Variants in SLC25A13 observed in about 807,000 individuals in gnomAD.
SLC25A13 encodes the protein solute carrier family 25 member 13, also known as electrogenic aspartate/glutamate antiporter SLC25A13, mitochondrial.
A neutral mutation model predicts 85.5 loss-of-function variants in SLC25A13; 70 were observed. That is an observed-to-expected ratio of 0.82 (90% CI 0.68 to 1.00). SLC25A13 has a LOEUF of 1.00. Among genes scored for constraint, SLC25A13 ranks in the 50% least tolerant of loss-of-function variants. SLC25A13 has a pLI of 0.00. For missense variants in SLC25A13, 765 were observed against 819.8 expected (o/e 0.93, Z 0.82); for synonymous variants, 259 against 288.7 (o/e 0.90, Z 1.04).
chr7:96,272,869 A>T (rs1798299146), intron 3 of SLC25A13, among the ~76,000 whole-genome samples: 1 of 152,234 alleles, frequency 6.6e-6, no homozygotes, highest in Non-Finnish European at 1.5e-5. Flanking sequence ...CCTTTTAAAC[A>T]TCAATAGAAT....
chr7:96,156,570 G>A (rs2116520625), intron 13 of SLC25A13, among the ~76,000 whole-genome samples: 1 of 152,244 alleles, frequency 6.6e-6, no homozygotes, highest in Non-Finnish European at 1.5e-5. Context: ...TCCTGCCTCA[G>A]CCTCCCAAGT....
chr7:96,126,913 C>T (rs151142928), intron 15 of SLC25A13, among the ~76,000 whole-genome samples: 47 of 151,922 alleles, frequency 3.1e-4, no homozygotes, highest in African/African-American at 9.4e-4. Flanking sequence ...TTTATGTCCA[C>T]ATAATTAACA....
Position 96,121,320 on chromosome 7 carries a change from A to T in SLC25A13, c.1899T>A (p.Asn633Lys). Residue 633 changes from asparagine to lysine, a missense_variant, in exon 18 of 18, where the codon AAT becomes AAA. Transcript: ENST00000265631. ...GTTTGTAGCCCCCAACGTGATCAGGATTCGGGGCAGGCAGGTTGATCCTGG... is the reference window on the plus strand; with the variant it reads ...GTTTGTAGCCCCCAACGTGATCAGGTTTCGGGGCAGGCAGGTTGATCCTGG... Reference protein sequence around the residue: ...PKSRINLPAPNPDHVGGYKLA... With the variant: ...PKSRINLPAPKPDHVGGYKLA... 1 of 1,614,154 alleles carries T rather than the reference A, an allele frequency of 6.2e-7. No individual in the cohort carries two copies. Among genetic ancestry groups the T allele is most frequent in the South Asian group, 1.1e-5 (1 of 91,078 alleles).
intron 12 of SLC25A13, among the ~76,000 whole-genome samples, chr7:96,171,147 C>G (rs769134910): frequency 1.3e-5 from 2 of 152,172 alleles, no homozygotes; most frequent in Non-Finnish European, 2.9e-5. Flanking sequence ...AACTGTGGAT[C>G]ATGCTTTGCT....
chr7:96,171,799 A>G (rs1346102731), intron 11 of SLC25A13, among the ~76,000 whole-genome samples: 1 of 152,156 alleles, frequency 6.6e-6, no homozygotes, highest in Non-Finnish European at 1.5e-5. Flanking sequence ...TTATTCCCCC[A>G]AAGTCTGCTC....
intron 2 of SLC25A13, among the ~76,000 whole-genome samples, chr7:96,289,249 C>G (rs1358351915): frequency 2.9e-4 from 44 of 152,090 alleles, no homozygotes; most frequent in Non-Finnish European, 1.0e-4. Context: ...CACCAAAACC[C>G]CATCTGTACG....
intron 14 of SLC25A13, among the ~76,000 whole-genome samples, chr7:96,145,418 A>G (rs1034124917): frequency 1.3e-5 from 2 of 152,216 alleles, no homozygotes; most frequent in Non-Finnish European, 2.9e-5. Flanking sequence ...AGAAAGAAAA[A>G]GAGTAAAAAA....
At position 96,120,565 on chromosome 7, in the gene SLC25A13, C is replaced by T. The variant is rs1791456411; in HGVS notation, c.*626G>A. 1 of 454,324 alleles carries T rather than the reference C, an allele frequency of 2.2e-6. No homozygotes were observed. Among genetic ancestry groups the T allele is most frequent in the Non-Finnish European group, 4.4e-6 (1 of 226,772 alleles). 28.1% of individuals were successfully genotyped at this position (454,324 alleles called of 1,614,324 possible). ...ATGCCAAAAGTACTTCCCTAAAGTA[C>T]AAAGGCATTTCCCTAGTAGTCTTGG... On this transcript the variant is annotated 3_prime_UTR_variant, in exon 18 of 18. Transcript: ENST00000265631.
At chr7:96,309,733 C>T (rs1336165422) in intron 1 of SLC25A13, 4 of 152,162 alleles carry the variant, frequency 2.6e-5, no homozygotes, top group Non-Finnish European at 4.4e-5. Flanking sequence ...GATCACTTCC[C>T]TTCAGAACCT....
In SLC25A13 at chr7:96,273,234, A is replaced by G. The variant is rs113556739; in HGVS notation, c.212+3962T>C. Among the ~76,000 whole-genome samples, 499 of 152,318 alleles carry G rather than the reference A, an allele frequency of 3.3e-3. 1 individual carries two copies. The highest frequency in any genetic ancestry group is 0.011 in the African/African-American group (464 of 41,566). On this transcript the variant is annotated intron_variant, in intron 3 of 17. Transcript: ENST00000265631. ...TAACTCGCCTGGATTTCAAAAGTCA[A>G]TATCACGAAAAACAATATAATATTT...
chr7:96,183,723 G>T (rs1055139428), intron 11 of SLC25A13, among the ~76,000 whole-genome samples: 1 of 152,148 alleles, frequency 6.6e-6, no homozygotes, highest in Non-Finnish European at 1.5e-5. Context: ...AAAAGGTGGA[G>T]AAAGAAGGAT....
At chr7:96,241,773 A>G (rs1797007457) in intron 3 of SLC25A13, among the ~76,000 whole-genome samples, 2 of 152,246 alleles carry the variant, frequency 1.3e-5, no homozygotes, top group African/African-American at 4.8e-5. Flanking sequence ...CAACTTAGAT[A>G]GTGGCAGGAG....
intron 4 of SLC25A13, chr7:96,219,693 T>G (rs1464832104): frequency 5.6e-6 from 3 of 534,208 alleles, no homozygotes. Flanking sequence ...AGCCAGGGAG[T>G]CCACAGTTAA....
rs898430500 is a variant in SLC25A13 at position 96,287,257 on chromosome 7, A to G, written c.69+9641T>C. Among the ~76,000 whole-genome samples, 7 of 152,124 alleles carry G rather than the reference A, an allele frequency of 4.6e-5. No individual in the cohort carries two copies. The East Asian group carries it at 1.3e-3, about 29-fold the overall frequency. ...TACCACACTATCCAGGCCTGGTGAG[A>G]TCACCAGAACTTTTGCCAGATCCAC... is the stretch of plus-strand genomic sequence containing the variant. On this transcript the variant is annotated intron_variant, in intron 2 of 17. Transcript: ENST00000265631.
At chr7:96,314,305 C>A (rs577894357) in intron 1 of SLC25A13, among the ~76,000 whole-genome samples, 7 of 152,124 alleles carry the variant, frequency 4.6e-5, no homozygotes, top group South Asian at 2.1e-4. Flanking sequence ...GAAATGAGGA[C>A]AAGCCAACAG....
At chr7:96,288,526 G>A (rs1798981435) in intron 2 of SLC25A13, among the ~76,000 whole-genome samples, 1 of 152,196 alleles carries the variant, frequency 6.6e-6, no homozygotes, top group Admixed American at 6.5e-5. Flanking sequence ...CTAGCCAAGG[G>A]AAGGGGTAAC....
At chr7:96,141,993 G>A (rs1048773524) in intron 14 of SLC25A13, among the ~76,000 whole-genome samples, 6 of 152,190 alleles carry the variant, frequency 3.9e-5, no homozygotes, top group African/African-American at 1.4e-4. Context: ...TTCATCAACA[G>A]CAAACAGTTA....
At chr7:96,127,159 T>C (rs1268435691) in intron 15 of SLC25A13, among the ~76,000 whole-genome samples, 4 of 152,236 alleles carry the variant, frequency 2.6e-5, no homozygotes, top group African/African-American at 9.6e-5. Context: ...TAGAGCATTC[T>C]ATAAAATTTG....
chr7:96,159,780 A>G (rs2116534207), intron 13 of SLC25A13, among the ~76,000 whole-genome samples: 1 of 152,368 alleles, frequency 6.6e-6, no homozygotes, highest in Non-Finnish European at 1.5e-5. Flanking sequence ...AGATAATAAA[A>G]TAAATTCTTA....
Sources: gnomAD v4.1 joint callset for allele counts (sites outside exome capture counted in the v4.1 genomes callset) on GRCh38, gnomAD v4.1.1 for gene constraint, MANE v1.5 for transcripts, NCBI Gene and HGNC (gene_info 2026-07-23, HGNC 2026-07-21) for gene names.